CPA6: variants seen among roughly 807,000 people sequenced by gnomAD.
The protein encoded by CPA6 is carboxypeptidase B.
A neutral mutation model predicts 63.3 loss-of-function variants in CPA6; 58 were observed. The observed-to-expected ratio is 0.92, with a 90% CI of 0.74 to 1.14. The LOEUF is 1.14. Among genes scored for constraint, CPA6 ranks in the 50% most tolerant of loss-of-function variants. The pLI is 0.00. For missense variants in CPA6, 565 were observed against 526.6 expected (o/e 1.07, Z -0.71); for synonymous variants, 185 against 179.0 (o/e 1.03, Z -0.27).
intron 1 of CPA6, among the ~76,000 whole-genome samples, chr8:67,707,566 T>C (rs752147824): frequency 7.2e-5 from 11 of 152,104 alleles, no homozygotes; most frequent in African/African-American, 1.7e-4. Flanking sequence ...TTAGAGAAAC[T>C]GGTTATTTTA....
At chr8:67,653,292 G>A (rs1324584185) in intron 1 of CPA6, among the ~76,000 whole-genome samples, 2 of 152,182 alleles carry the variant, frequency 1.3e-5, no homozygotes, top group Admixed American at 6.5e-5. Flanking sequence ...GTCATTGGTA[G>A]CTTGATGGGG....
intron 2 of CPA6, among the ~76,000 whole-genome samples, chr8:67,612,365 G>A (rs949437070): frequency 6.6e-6 from 1 of 152,150 alleles, no homozygotes; most frequent in African/African-American, 2.4e-5. Context: ...TCTTCTGACT[G>A]TGCTCCCAAT....
intron 1 of CPA6, among the ~76,000 whole-genome samples, chr8:67,723,030 T>C (rs552277539): frequency 9.9e-5 from 15 of 152,144 alleles, no homozygotes; most frequent in African/African-American, 3.6e-4. Flanking sequence ...AATAGAATCA[T>C]ACATATTACT....
At chr8:67,509,445 C>T (rs1321388342) in intron 5 of CPA6, 72 bp downstream of exon 5, 10 of 705,950 alleles carry the variant, frequency 1.4e-5, no homozygotes, top group African/African-American at 1.8e-5. Context: ...TTTCTTTTCC[C>T]ATAGGTTAAA....
intron 2 of CPA6, among the ~76,000 whole-genome samples, chr8:67,529,819 G>A (rs1587527195): frequency 6.6e-6 from 1 of 152,110 alleles, no homozygotes; most frequent in East Asian, 1.9e-4. Context: ...CATACCCCAA[G>A]AAGTCCACTC....
chr8:67,538,913 A>C (rs7000339), intron 2 of CPA6, among the ~76,000 whole-genome samples: 68,264 of 151,596 alleles, frequency 0.45, 19,484 homozygotes, highest in African/African-American at 0.81. Flanking sequence ...CCTGCCTTGG[A>C]CTCCCCAAGT....
intron 2 of CPA6, among the ~76,000 whole-genome samples, chr8:67,533,982 A>G (rs552596237): frequency 6.6e-6 from 1 of 152,360 alleles, no homozygotes; most frequent in African/African-American, 2.4e-5. Flanking sequence ...GCCAATAGGT[A>G]AAGACAAAAC....
At chr8:67,579,459 G>A (rs1012642360) in intron 2 of CPA6, among the ~76,000 whole-genome samples, 1 of 152,160 alleles carries the variant, frequency 6.6e-6, no homozygotes, top group African/African-American at 2.4e-5. Context: ...ATATTTTAAA[G>A]TGAAATCCCC....
At chr8:67,591,190 G>A (rs1276907814) in intron 2 of CPA6, among the ~76,000 whole-genome samples, 12 of 152,120 alleles carry the variant, frequency 7.9e-5, no homozygotes, top group Non-Finnish European at 1.6e-4. Flanking sequence ...AAGATCAGAT[G>A]GTTGTAGATA....
chr8:67,665,601 T>C (rs190121275), intron 1 of CPA6, among the ~76,000 whole-genome samples: 89 of 152,340 alleles, frequency 5.8e-4, no homozygotes, highest in African/African-American at 1.9e-3. Context: ...CTCATCTTCT[T>C]GCTTCTTTCT....
At chr8:67,520,060 A>C (rs775453767) in intron 2 of CPA6, among the ~76,000 whole-genome samples, 9 of 152,124 alleles carry the variant, frequency 5.9e-5, no homozygotes, top group Non-Finnish European at 1.2e-4. Context: ...TAGAAGATCA[A>C]ATCTTTGGGA....
chr8:67,529,612 A>C (rs185417146), intron 2 of CPA6, among the ~76,000 whole-genome samples: 3 of 152,366 alleles, frequency 2.0e-5, no homozygotes, highest in Admixed American at 6.5e-5. Flanking sequence ...CACAGGACAC[A>C]GAAGAGGCTG....
At chr8:67,630,635 A>G (rs1587651722) in intron 1 of CPA6, among the ~76,000 whole-genome samples, 1 of 152,072 alleles carries the variant, frequency 6.6e-6, no homozygotes, top group African/African-American at 2.4e-5. Flanking sequence ...TGCTTGGGGA[A>G]CCCTTGAGCC....
At chr8:67,508,664 GT>G (rs1811981538) in intron 5 of CPA6, among the ~76,000 whole-genome samples, 1 of 152,092 alleles carries the variant, frequency 6.6e-6, no homozygotes, top group Admixed American at 6.6e-5. Flanking sequence ...TTGGAAAGAA[GT>G]TTTAGAAGAG....
intron 1 of CPA6, among the ~76,000 whole-genome samples, chr8:67,668,700 A>G (rs958661181): frequency 6.6e-6 from 1 of 152,200 alleles, no homozygotes; most frequent in African/African-American, 2.4e-5. Flanking sequence ...TCAGCCATTA[A>G]AAAGCATTTT....
intron 2 of CPA6, among the ~76,000 whole-genome samples, chr8:67,568,731 C>T (rs998459083): frequency 3.3e-5 from 5 of 152,088 alleles, no homozygotes; most frequent in South Asian, 2.1e-4. Context: ...AAAGAGAAAA[C>T]GGGCCAGGAA....
At chr8:67,573,635 G>A (rs1587581243) in intron 2 of CPA6, among the ~76,000 whole-genome samples, 1 of 152,070 alleles carries the variant, frequency 6.6e-6, no homozygotes, top group African/African-American at 2.4e-5. Flanking sequence ...GTTCACACCT[G>A]TAATCCCAGC....
chr8:67,514,692 T>A (rs1313838490), intron 3 of CPA6, among the ~76,000 whole-genome samples: 1 of 152,218 alleles, frequency 6.6e-6, no homozygotes, highest in African/African-American at 2.4e-5. Flanking sequence ...GACCTATATT[T>A]AATGACAGGA....
intron 3 of CPA6, among the ~76,000 whole-genome samples, chr8:67,515,637 T>TTGATGTTCCTGCCC (rs1382632525): frequency 6.6e-6 from 1 of 152,136 alleles, no homozygotes; most frequent in Non-Finnish European, 1.5e-5. Flanking sequence ...TTGGCCTGCC[T>TTGATGTTCCTGCCC]TGATGTTCCT....
Sources: gnomAD v4.1 joint callset for allele counts (sites outside exome capture counted in the v4.1 genomes callset) on GRCh38, gnomAD v4.1.1 for gene constraint, MANE v1.5 for transcripts, NCBI Gene and HGNC (gene_info 2026-07-23, HGNC 2026-07-21) for gene names.